The following TNS3 variants were observed in gnomAD, a reference collection of about 807,000 sequenced individuals.
TNS3 encodes the protein tensin-3.
Under a neutral mutation model 140.9 loss-of-function variants are expected in TNS3, and 45 were observed. The observed-to-expected ratio is 0.32, with a 90% confidence interval of 0.25 to 0.41. TNS3 has a LOEUF of 0.41. TNS3 is among the 10% of genes least tolerant of loss of function. The probability of loss-of-function intolerance (pLI) is 1.00; values close to 1 mark genes in which losing one functional copy is unlikely to be tolerated. For missense variants in TNS3, 1,716 were observed against 1,906.7 expected (o/e 0.90, Z 1.86); for synonymous variants, 815 against 788.4 (o/e 1.03, Z -0.56).
intron 4 of TNS3, among the ~76,000 whole-genome samples, chr7:47,467,740 C>T (rs570556804): frequency 6.6e-6 from 1 of 152,226 alleles, no homozygotes; most frequent in Admixed American, 6.5e-5. Flanking sequence ...GATTCATAGC[C>T]AAGCAACCCC....
intron 1 of TNS3, among the ~76,000 whole-genome samples, chr7:47,542,905 CG>C (rs1799827700): frequency 2.3e-5 from 3 of 130,636 alleles, no homozygotes. Flanking sequence ...ACTCCAACCA[CG>C]GGGAACAGTG....
rs1784937581 is a variant in TNS3, at chr7:47,277,873, C to T, written c.*203G>A. On this transcript the variant is annotated 3_prime_UTR_variant, in exon 31 of 31. Transcript: ENST00000311160. ...AAAGCATGTGGCTACAGAGATGTGT[C>T]AGATAAGTCACTTTCAGGAAAGGCC... 29 of 693,378 alleles carry T rather than the reference C, an allele frequency of 4.2e-5. No homozygotes were observed. In the South Asian group the frequency reaches 4.7e-4, roughly 11 times the overall value. The allele number at this position is 693,378 out of a possible 1,614,324, so 43.0% of individuals were successfully genotyped here. A position where few individuals can be genotyped will look rare whatever the true frequency, so the allele number is the denominator to read the frequency against.
intron 4 of TNS3, among the ~76,000 whole-genome samples, chr7:47,471,151 C>T (rs939006672): frequency 6.6e-6 from 1 of 151,912 alleles, no homozygotes; most frequent in African/African-American, 2.4e-5. Context: ...TGAGAGGAGA[C>T]GGTGAAATCA....
rs1169121439 is a variant in TNS3 at position 47,369,037 on chromosome 7, G to C, written c.1609C>G (p.Leu537Val). 3 of 1,614,076 alleles carry C rather than the reference G, an allele frequency of 1.9e-6. No individual in the cohort carries two copies. Among genetic ancestry groups the C allele is most frequent in the Non-Finnish European group, 2.5e-6 (3 of 1,180,042 alleles). ...ATGCCAAGGCCCAGGTCCGGAACGAGGGTGCCCTGCGGATCTTCACCAACG... is the reference window on the plus strand; with the variant it reads ...ATGCCAAGGCCCAGGTCCGGAACGACGGTGCCCTGCGGATCTTCACCAACG... ...SNVGEDPQGT[L>V]VPDLGLGMDG... is the part of the protein sequence containing the mutation. The change falls in exon 17 of 31, where the codon CTC becomes GTC. Residue 537 changes from leucine to valine, a missense_variant. By Grantham distance (32) the Leu-to-Val change is conservative (BLOSUM62 1). Transcript: ENST00000311160.
At chr7:47,388,767 G>C (rs1400846778) in intron 16 of TNS3, among the ~76,000 whole-genome samples, 1 of 152,062 alleles carries the variant, frequency 6.6e-6, no homozygotes, top group African/African-American at 2.4e-5. Context: ...TCGGGAGGCT[G>C]AGGCAGGGAC....
intron 9 of TNS3, among the ~76,000 whole-genome samples, chr7:47,425,900 C>T (rs1323045585): frequency 6.6e-6 from 1 of 151,966 alleles, no homozygotes; most frequent in African/African-American, 2.4e-5. Flanking sequence ...TCTGGGATTA[C>T]TCTACTTCTG....
intron 1 of TNS3, among the ~76,000 whole-genome samples, chr7:47,578,960 T>C (rs140564392): frequency 7.8e-6 from 1 of 127,716 alleles, no homozygotes; most frequent in East Asian, 2.3e-4. Context: ...CGATTTTTCT[T>C]GTCTCAGCGT....
At chr7:47,400,341 A>C (rs1457662872) in intron 15 of TNS3, 52 bp downstream of exon 15, 1 of 1,486,206 alleles carries the variant, frequency 6.7e-7, no homozygotes, top group Non-Finnish European at 9.4e-7. Flanking sequence ...GCCATCATGC[A>C]CCTTTCACCA....
rs541987899 is a variant in TNS3 at position 47,567,030 on chromosome 7, C to CAAA, written c.-265+15018_-265+15020dup. On this transcript the variant is annotated intron_variant, in intron 1 of 30. Transcript: ENST00000311160. ...TGGGCTACAAAGCCGGACTCCATCT[C>CAAA]AAAAAAAAAAAAAAAAAAAAAAAGA... 1.2e-3 allele frequency among the ~76,000 whole-genome samples: 120 copies of CAAA among 98,580 alleles called. 1 individual carries two copies. Among genetic ancestry groups the CAAA allele is most frequent in the Middle Eastern group, 6.1e-3 (1 of 164 alleles). 64.7% of individuals were successfully genotyped at this position (98,580 alleles called of 152,430 possible). A position where few individuals can be genotyped will look rare whatever the true frequency, so the allele number is the denominator to read the frequency against.
chr7:47,438,638 C>T (rs1038572614), intron 6 of TNS3, among the ~76,000 whole-genome samples: 1 of 152,040 alleles, frequency 6.6e-6, no homozygotes, highest in Non-Finnish European at 1.5e-5. Flanking sequence ...GGGGTCAGGA[C>T]CCAGGTAGCA....
intron 4 of TNS3, among the ~76,000 whole-genome samples, chr7:47,444,543 G>A (rs1237590179): frequency 6.6e-6 from 1 of 152,186 alleles, no homozygotes; most frequent in Non-Finnish European, 1.5e-5. Context: ...GAGTGTCACC[G>A]TCCCTCAGGC....
chr7:47,442,388 C>A (rs934957429), intron 4 of TNS3, among the ~76,000 whole-genome samples: 4 of 152,160 alleles, frequency 2.6e-5, no homozygotes, highest in Admixed American at 6.5e-5. Flanking sequence ...ATGACACCAG[C>A]GCTATGACTA....
intron 1 of TNS3, chr7:47,581,500 C>T (rs1784533680): frequency 6.6e-6 from 1 of 152,296 alleles, no homozygotes; most frequent in Non-Finnish European, 1.5e-5. Flanking sequence ...TAGCTGCGCT[C>T]TCCACCTGGA....
chr7:47,470,115 C>T (rs1195074234), intron 4 of TNS3, among the ~76,000 whole-genome samples: 1 of 151,342 alleles, frequency 6.6e-6, no homozygotes, highest in Non-Finnish European at 1.5e-5. Flanking sequence ...AACACAGGAA[C>T]AGAAAACAAA....
intron 2 of TNS3, among the ~76,000 whole-genome samples, chr7:47,511,007 C>T (rs758382848): frequency 6.6e-6 from 1 of 152,160 alleles, no homozygotes; most frequent in African/African-American, 2.4e-5. Flanking sequence ...AGAAGTTCTG[C>T]GAAATTGTCA....
intron 4 of TNS3, among the ~76,000 whole-genome samples, chr7:47,473,191 G>A (rs888083439): frequency 2.0e-5 from 3 of 152,108 alleles, no homozygotes; most frequent in Admixed American, 6.5e-5. Context: ...ATGCAGTATC[G>A]GTTTGTACTT....
intron 16 of TNS3, among the ~76,000 whole-genome samples, chr7:47,389,960 C>T (rs188841800): frequency 6.6e-6 from 1 of 152,350 alleles, no homozygotes; most frequent in East Asian, 1.9e-4. Flanking sequence ...TCTAAGCAAG[C>T]AATGCTTAGA....
intron 3 of TNS3, among the ~76,000 whole-genome samples, chr7:47,495,469 C>T (rs1797973260): frequency 6.6e-6 from 1 of 152,138 alleles, no homozygotes; most frequent in Non-Finnish European, 1.5e-5. Flanking sequence ...GCCACGACCC[C>T]CGCCCTGAGG....
At chr7:47,484,553 T>G (rs1185533723) in intron 3 of TNS3, among the ~76,000 whole-genome samples, 1 of 152,212 alleles carries the variant, frequency 6.6e-6, no homozygotes, top group Non-Finnish European at 1.5e-5. Flanking sequence ...CTATGGGGAC[T>G]GTGCGACGGT....
Sources: allele counts gnomAD v4.1 joint callset (sites outside exome capture counted in the v4.1 genomes callset), GRCh38; gene constraint gnomAD v4.1.1; transcripts MANE v1.5; gene names NCBI Gene and HGNC (gene_info 2026-07-23, HGNC 2026-07-21).